Variants in CTNNA2 observed in about 807,000 individuals in gnomAD.
The protein encoded by CTNNA2 is catenin alpha 2.
Under a neutral mutation model 101.0 loss-of-function variants are expected in CTNNA2, and 42 were observed. The observed-to-expected ratio is 0.42, with a 90% CI of 0.32 to 0.54. CTNNA2 has a LOEUF of 0.54. CTNNA2 is among the 20% of genes least tolerant of loss of function. The pLI is 0.14. For missense variants in CTNNA2, 871 were observed against 1,223.1 expected, an observed-to-expected ratio of 0.71 and a Z score of 4.29; for synonymous variants, 450 against 456.4, an observed-to-expected ratio of 0.99 and a Z score of 0.18.
intron 7 of CTNNA2, among the ~76,000 whole-genome samples, chr2:80,330,671 T>C (rs1473266873): frequency 6.6e-6 from 1 of 151,920 alleles, no homozygotes; most frequent in Non-Finnish European, 1.5e-5. Context: ...GTGGGTGGAG[T>C]GTTAAGCCCT....
intron 2 of CTNNA2, among the ~76,000 whole-genome samples, chr2:79,261,476 T>A (rs992341899): frequency 1.1e-4 from 16 of 152,354 alleles, no homozygotes; most frequent in African/African-American, 3.6e-4. Flanking sequence ...ACAGACTGTG[T>A]GGCTTAAATA....
chr2:79,927,716 T>C (rs1161621548), intron 7 of CTNNA2, among the ~76,000 whole-genome samples: 1 of 152,238 alleles, frequency 6.6e-6, no homozygotes, highest in Admixed American at 6.5e-5. Flanking sequence ...GATCATATAA[T>C]GTTACTCTGT....
upstream of CTNNA2, among the ~76,000 whole-genome samples, chr2:79,508,052 C>T (rs1671452107): frequency 6.6e-6 from 1 of 152,140 alleles, no homozygotes; most frequent in African/African-American, 2.4e-5. Context: ...AGGAATTTCT[C>T]CTCTTCCTGC....
intron 18 of CTNNA2, among the ~76,000 whole-genome samples, chr2:80,643,049 G>T (rs184242726): frequency 4.7e-4 from 71 of 152,220 alleles, no homozygotes; most frequent in Admixed American, 1.6e-3. Flanking sequence ...GCACAAGATG[G>T]GAGGAAACAT....
chr2:79,502,863 C>T (rs989490966), intron 4 of CTNNA2, among the ~76,000 whole-genome samples: 1 of 152,162 alleles, frequency 6.6e-6, no homozygotes, highest in Admixed American at 6.5e-5. Context: ...CTGTTGATGT[C>T]ATCTAGATTG....
At chr2:79,920,645 TA>T (rs1460641806) in intron 7 of CTNNA2, among the ~76,000 whole-genome samples, 1 of 152,226 alleles carries the variant, frequency 6.6e-6, no homozygotes, top group Non-Finnish European at 1.5e-5. Flanking sequence ...TACTACCTGA[TA>T]AAACACTCAG....
rs368913766 is a variant in CTNNA2, at chr2:80,425,932, TTTG to T, written c.1290+6349_1290+6351del. Among the ~76,000 whole-genome samples the T allele has an allele frequency of 2.1e-3, 325 of 152,120 alleles. 2 individuals are homozygous for T. The highest frequency in any genetic ancestry group is 7.0e-3 in the African/African-American group (289 of 41,504). On this transcript the variant is annotated intron_variant, in intron 9 of 18. Coordinates refer to ENST00000402739, the MANE Select transcript of CTNNA2 (RefSeq NM_001282597.3). ...TTAACAAGTGAAATTTTGAGAAGCTTTTGTTGTTGTTGTTGTTGTTTTCTCCAC... is the reference window on the plus strand; with the variant it reads ...TTAACAAGTGAAATTTTGAGAAGCTTTTGTTGTTGTTGTTGTTTTCTCCAC...
At chr2:79,524,980 A>G (rs1672324374) in intron 1 of CTNNA2, among the ~76,000 whole-genome samples, 1 of 151,900 alleles carries the variant, frequency 6.6e-6, no homozygotes, top group Non-Finnish European at 1.5e-5. Flanking sequence ...AGTTGAGTGA[A>G]TAATGATCTA....
intron 4 of CTNNA2, among the ~76,000 whole-genome samples, chr2:79,440,677 C>T (rs1678768453): frequency 6.6e-6 from 1 of 152,104 alleles, no homozygotes; most frequent in African/African-American, 2.4e-5. Flanking sequence ...ATTAACCCAT[C>T]TTGAGTTCTT....
chr2:79,522,612 G>C (rs1411644854), intron 1 of CTNNA2, among the ~76,000 whole-genome samples: 1 of 152,166 alleles, frequency 6.6e-6, no homozygotes, highest in Non-Finnish European at 1.5e-5. Context: ...AGTACTTTCA[G>C]ATTCAGTCCT....
rs771295054 is a variant in CTNNA2 at position 80,302,752 on chromosome 2, G to A, written c.1057-90459G>A. The A allele has an allele frequency of 1.4e-5, 22 of 1,613,030 alleles. No individual in the cohort carries two copies. Among genetic ancestry groups the A allele is most frequent in the East Asian group, 2.2e-5 (1 of 44,860 alleles). The stretch of plus-strand genomic sequence containing the variant: ...CCTCGCACAGGTGGAAGGCGTACAC[G>A]GCGTCCAGGACGTCCTCGCCCTGTG... On this transcript the variant is annotated intron_variant, in intron 7 of 18. Transcript: ENST00000402739. The surrounding 1 kb of genome is among the most constrained non-coding windows in gnomAD (Gnocchi z 6.4).
chr2:80,325,912 C>G (rs1051879923), intron 7 of CTNNA2, among the ~76,000 whole-genome samples: 3 of 152,182 alleles, frequency 2.0e-5, no homozygotes, highest in African/African-American at 7.2e-5. Flanking sequence ...TTTATGGTTA[C>G]ATTGGTAGCT....
intron 7 of CTNNA2, among the ~76,000 whole-genome samples, chr2:80,314,299 T>C (rs1457488670): frequency 3.9e-5 from 6 of 152,222 alleles, no homozygotes; most frequent in Admixed American, 3.9e-4. Flanking sequence ...CAAATTCTAA[T>C]TTATTACAAC....
chr2:79,878,768 G>C (rs1047387144), intron 6 of CTNNA2, among the ~76,000 whole-genome samples: 2 of 152,082 alleles, frequency 1.3e-5, no homozygotes, highest in Non-Finnish European at 2.9e-5. Context: ...CTCCCATTCC[G>C]TAGATTGCCT....
chr2:80,005,760 A>G (rs752605885), intron 7 of CTNNA2, among the ~76,000 whole-genome samples: 1 of 131,446 alleles, frequency 7.6e-6, no homozygotes, highest in Non-Finnish European at 1.6e-5. Context: ...CAAGTTTATC[A>G]CTATGTTTAT....
intron 4 of CTNNA2, among the ~76,000 whole-genome samples, chr2:79,449,464 A>G (rs551643275): frequency 6.5e-4 from 99 of 152,108 alleles, no homozygotes; most frequent in Middle Eastern, 3.4e-3. Context: ...GTTAGGTAAT[A>G]AAGACTTTTT....
intron 1 of CTNNA2, among the ~76,000 whole-genome samples, chr2:79,618,449 A>C (rs1187151447): frequency 6.6e-6 from 1 of 152,090 alleles, no homozygotes; most frequent in East Asian, 1.9e-4. Flanking sequence ...CTTTTGAGGT[A>C]TTAGAATTTA....
chr2:79,895,616 TA>T lies in CTNNA2; in HGVS notation c.853-13970del, dbSNP rs1285670367. On this transcript the variant is annotated intron_variant, in intron 6 of 18. Coordinates refer to ENST00000402739, the MANE Select transcript of CTNNA2 (RefSeq NM_001282597.3). ...AGTTTGTTTCTCCTAGTATTAAACT[TA>T]AAAAAAATTCAACCATTGATCATCC... 2.6e-5 allele frequency among the ~76,000 whole-genome samples: 4 copies of T among 151,588 alleles called. No individual in the cohort carries two copies. In the South Asian group the frequency reaches 6.3e-4, roughly 24 times the overall value.
At chr2:80,136,110 G>C (rs1363819570) in intron 7 of CTNNA2, among the ~76,000 whole-genome samples, 2 of 152,168 alleles carry the variant, frequency 1.3e-5, no homozygotes, top group Non-Finnish European at 2.9e-5. Context: ...TTTTTGTATA[G>C]TAGTTGCAGC....
Sources: allele counts gnomAD v4.1 joint callset (sites outside exome capture counted in the v4.1 genomes callset), GRCh38; gene constraint gnomAD v4.1.1; non-coding constraint Gnocchi (gnomAD v3.1); transcripts MANE v1.5; gene names NCBI Gene and HGNC (gene_info 2026-07-23, HGNC 2026-07-21).